Variants in RCSD1 observed in about 807,000 individuals in gnomAD.
RCSD1 encodes the protein capZ-interacting protein.
A neutral mutation model predicts 42.5 loss-of-function variants in RCSD1; 26 were observed. That is an observed-to-expected ratio of 0.61 (90% CI 0.45 to 0.85). The LOEUF (loss-of-function observed/expected upper bound fraction) is 0.85, where lower values mean the gene tolerates loss of function less well. RCSD1 is among the 40% of genes least tolerant of loss of function. The pLI, the probability that RCSD1 is intolerant of heterozygous loss-of-function variation, is 0.00. For missense variants in RCSD1, 571 were observed against 528.3 expected (o/e 1.08, Z -0.79); for synonymous variants, 220 against 212.2 (o/e 1.04, Z -0.32).
At position 167,673,720 on chromosome 1, in the gene RCSD1, TG is replaced by T. The variant is rs535919589; in HGVS notation, c.7-10179del. Among the ~76,000 whole-genome samples, 25 of 152,358 alleles carry T rather than the reference TG, an allele frequency of 1.6e-4. No homozygotes were observed. The East Asian group carries it at 4.8e-3, about 29-fold the overall frequency. On this transcript the variant is annotated intron_variant, in intron 1 of 6. Coordinates refer to ENST00000367854, the MANE Select transcript of RCSD1 (RefSeq NM_052862.4). The stretch of plus-strand genomic sequence containing the variant: ...CTTTCAATTTCTCTACCTTTCTTTT[TG>T]CTTAGACCATATTGAACTAAAGTTT...
At chr1:167,656,848 G>C (rs925981569) in intron 1 of RCSD1, among the ~76,000 whole-genome samples, 1 of 152,220 alleles carries the variant, frequency 6.6e-6, no homozygotes, top group East Asian at 1.9e-4. Context: ...TCTAAAGGGG[G>C]TCATTGCTCC....
At position 167,706,060 on chromosome 1, in the gene RCSD1, T is replaced by C. The variant is rs1188203442; in HGVS notation, c.*1364T>C. 6.6e-6 allele frequency: 1 copy of C among 152,266 alleles called. No homozygotes were observed. Among genetic ancestry groups the C allele is most frequent in the African/African-American group, 2.4e-5 (1 of 41,480 alleles). 9.4% of individuals were successfully genotyped at this position (152,266 alleles called of 1,614,324 possible). A position where few individuals can be genotyped will look rare whatever the true frequency, so the allele number is the denominator to read the frequency against. On this transcript the variant is annotated 3_prime_UTR_variant, in exon 7 of 7. Transcript: ENST00000367854. ...AGACAAAAAGGCCTTATGTCACCACTGGTACCTCAGTTTCCTCATCCCATT... is the reference window on the plus strand; with the variant it reads ...AGACAAAAAGGCCTTATGTCACCACCGGTACCTCAGTTTCCTCATCCCATT...
intron 1 of RCSD1, among the ~76,000 whole-genome samples, chr1:167,638,971 T>A (rs188057402): frequency 1.7e-4 from 26 of 152,212 alleles, no homozygotes; most frequent in Admixed American, 9.2e-4. Flanking sequence ...TAATCCCAGC[T>A]CTTTGGGAGG....
At chr1:167,636,594 G>A (rs1323795637) in intron 1 of RCSD1, among the ~76,000 whole-genome samples, 3 of 150,964 alleles carry the variant, frequency 2.0e-5, no homozygotes, top group Non-Finnish European at 3.0e-5. Context: ...TTTTTTGTTT[G>A]TTTGTTTGTT....
intron 1 of RCSD1, chr1:167,640,593 A>C (rs1052946247): frequency 1.3e-5 from 2 of 152,338 alleles, no homozygotes; most frequent in Non-Finnish European, 2.9e-5. Context: ...TCTGTTGCCC[A>C]GGCTGGAATG....
intron 1 of RCSD1, among the ~76,000 whole-genome samples, chr1:167,648,199 A>G (rs1658213188): frequency 6.6e-6 from 1 of 152,226 alleles, no homozygotes; most frequent in African/African-American, 2.4e-5. Flanking sequence ...TTATACAAAT[A>G]TATCATAATT....
At chr1:167,693,297 C>T (rs1338379496) in intron 4 of RCSD1, among the ~76,000 whole-genome samples, 6 of 152,222 alleles carry the variant, frequency 3.9e-5, no homozygotes, top group African/African-American at 9.6e-5. Flanking sequence ...CGGACTCTCA[C>T]GCACGTTCTC....
chr1:167,659,566 A>T (rs1459513007), intron 1 of RCSD1, among the ~76,000 whole-genome samples: 5 of 152,168 alleles, frequency 3.3e-5, no homozygotes, highest in African/African-American at 1.2e-4. Flanking sequence ...GAATGCCATG[A>T]ACTGCAGAGC....
intron 6 of RCSD1, among the ~76,000 whole-genome samples, chr1:167,699,725 C>G (rs971462871): frequency 1.3e-5 from 2 of 152,224 alleles, no homozygotes; most frequent in African/African-American, 4.8e-5. Context: ...CTGACTCTCC[C>G]CCTCACTGTG....
intron 4 of RCSD1, among the ~76,000 whole-genome samples, chr1:167,692,872 C>T (rs1659408299): frequency 6.6e-6 from 1 of 152,106 alleles, no homozygotes; most frequent in Non-Finnish European, 1.5e-5. Context: ...ACAGCAGAGT[C>T]TGGCTGGTAG....
At chr1:167,678,387 C>T (rs1371111428) in intron 1 of RCSD1, among the ~76,000 whole-genome samples, 1 of 150,336 alleles carries the variant, frequency 6.7e-6, no homozygotes, top group Non-Finnish European at 1.5e-5. Flanking sequence ...ACTAGCCCCA[C>T]CCACCCCTCT....
chr1:167,682,701 G>GTA (rs1027128587), intron 1 of RCSD1, among the ~76,000 whole-genome samples: 14 of 148,834 alleles, frequency 9.4e-5, no homozygotes, highest in Admixed American at 8.8e-4. Flanking sequence ...GTGTGTGTGT[G>GTA]TGTGTGTGTA....
At chr1:167,652,578 T>C (rs992126326) in intron 1 of RCSD1, among the ~76,000 whole-genome samples, 4 of 152,238 alleles carry the variant, frequency 2.6e-5, no homozygotes, top group African/African-American at 9.6e-5. Flanking sequence ...TATTATTTTC[T>C]AATTACAAGA....
chr1:167,694,376 C>G (rs1265447370), intron 5 of RCSD1, 74 bp downstream of exon 5: 2 of 1,368,552 alleles, frequency 1.5e-6, no homozygotes, highest in Non-Finnish European at 2.0e-6. Flanking sequence ...TTTTCTCTAC[C>G]CTGTTGTCCT....
intron 1 of RCSD1, among the ~76,000 whole-genome samples, chr1:167,655,535 T>C (rs184868790): frequency 1.1e-3 from 165 of 152,290 alleles, no homozygotes; most frequent in Admixed American, 2.2e-3. Context: ...ATGACCTGCG[T>C]GTGCCATCCC....
At chr1:167,647,324 C>T (rs1327742121) in intron 1 of RCSD1, among the ~76,000 whole-genome samples, 2 of 151,794 alleles carry the variant, frequency 1.3e-5, no homozygotes, top group African/African-American at 4.8e-5. Flanking sequence ...CACAGTGGCT[C>T]ACACCTGTAA....
At chr1:167,675,326 C>T (rs933337743) in intron 1 of RCSD1, among the ~76,000 whole-genome samples, 2 of 151,200 alleles carry the variant, frequency 1.3e-5, no homozygotes, top group African/African-American at 4.9e-5. Context: ...TGGCGGAAGG[C>T]AAAAGAGAAG....
rs184800826 is a variant in RCSD1 at position 167,694,164 on chromosome 1, G to A, written c.336G>A (p.Lys112=). Residue 112 remains lysine, a synonymous_variant, in exon 5 of 7, where the codon AAG becomes AAA. Coordinates refer to ENST00000367854, the MANE Select transcript of RCSD1 (RefSeq NM_052862.4). The part of the protein sequence containing the change: ...PGASPKSPGL[K]AMVSPFHSPP... ...CCTCACCCAAGAGTCCTGGACTCAA[G>A]GCTATGGTGTCGCCATTTCACAGCC... 570 of 1,614,208 alleles carry A rather than the reference G, an allele frequency of 3.5e-4. 6 individuals carry two copies. In the East Asian group the frequency reaches 9.2e-3, roughly 26 times the overall value.
At position 167,702,333 on chromosome 1, in the gene RCSD1, A is replaced by G. The variant is rs558306272; in HGVS notation, c.1219-2331A>G. ...GGTTGCCCCTCACAAGTGTTTTAACATATCGTACTGAAAGAAGGAGTCATC... is the reference window on the plus strand; with the variant it reads ...GGTTGCCCCTCACAAGTGTTTTAACGTATCGTACTGAAAGAAGGAGTCATC... On this transcript the variant is annotated intron_variant, in intron 6 of 6. Coordinates refer to ENST00000367854, the MANE Select transcript of RCSD1 (RefSeq NM_052862.4). Among the ~76,000 whole-genome samples the G allele has an allele frequency of 5.2e-5, 8 of 152,386 alleles. No homozygotes were observed. The South Asian group carries it at 1.2e-3, about 24-fold the overall frequency.
Sources: gnomAD v4.1 joint callset for allele counts (sites outside exome capture counted in the v4.1 genomes callset) on GRCh38, gnomAD v4.1.1 for gene constraint, MANE v1.5 for transcripts, NCBI Gene and HGNC (gene_info 2026-07-23, HGNC 2026-07-21) for gene names.